SLC29A4: variants seen among roughly 807,000 people sequenced by gnomAD.
The protein encoded by SLC29A4 is solute carrier family 29 member 4, also known as equilibrative nucleoside transporter 4.
A neutral mutation model predicts 43.9 loss-of-function variants in SLC29A4; 36 were observed. The observed-to-expected ratio is 0.82, with a 90% CI of 0.63 to 1.08. The LOEUF (loss-of-function observed/expected upper bound fraction) is 1.08. Among genes scored for constraint, SLC29A4 ranks in the 50% least tolerant of loss-of-function variants. SLC29A4 has a pLI of 0.00. For synonymous variants in SLC29A4, 491 were observed against 338.0 expected (o/e 1.45, Z -4.97); for missense variants, 869 against 755.3 (o/e 1.15, Z -1.77).
intron 7 of SLC29A4, among the ~76,000 whole-genome samples, chr7:5,298,374 AG>A (rs1785864194): frequency 1.3e-5 from 2 of 152,022 alleles, no homozygotes; most frequent in South Asian, 4.2e-4. Context: ...GGCTGGGAGG[AG>A]CTCCGTGTGT....
chr7:5,302,435 C>T (rs1474926127), intron 10 of SLC29A4, among the ~76,000 whole-genome samples: 4 of 152,134 alleles, frequency 2.6e-5, no homozygotes, highest in Admixed American at 6.5e-5. Context: ...CCCAGGTACT[C>T]GGGAGGCTGA....
intron 2 of SLC29A4, among the ~76,000 whole-genome samples, chr7:5,289,135 G>A (rs1348789232): frequency 6.6e-6 from 1 of 152,162 alleles, no homozygotes; most frequent in Non-Finnish European, 1.5e-5. Context: ...GGTGGCTCAT[G>A]CCTATAATCC....
chr7:5,298,980 C>T lies in SLC29A4; in HGVS notation c.883-8C>T, dbSNP rs571823273. 37 of 1,606,744 alleles carry T rather than the reference C, an allele frequency of 2.3e-5. No individual in the cohort carries two copies. The South Asian group carries it at 3.1e-4, about 13-fold the overall frequency. On this transcript the variant is annotated splice_polypyrimidine_tract_variant and splice_region_variant and intron_variant, in intron 7 of 10. Coordinates refer to ENST00000396872, the MANE Select transcript of SLC29A4 (RefSeq NM_153247.4). ...CTCCAACCCCATCCCACTCCATCCT[C>T]CCTCCAGGAGCACCCAGCCCCGGCC...
intron 7 of SLC29A4, 26 bp downstream of exon 7, chr7:5,297,224 TCC>T: frequency 1.3e-6 from 2 of 1,507,834 alleles, no homozygotes; most frequent in African/African-American, 1.4e-5. Context: ...CCACCTCTGT[TCC>T]CTTCTCTGTC....
intron 5 of SLC29A4, 147 bp downstream of exon 5, chr7:5,291,968 G>C: frequency 8.6e-7 from 1 of 1,160,554 alleles, no homozygotes. Context: ...ATGCCAGCGT[G>C]CACACCGGCT....
At chr7:5,296,912 C>CGGCCCACTGTGCACGCCCT in intron 6 of SLC29A4, 24 bp from the exon 7 acceptor site, 1 of 1,561,844 alleles carries the variant, frequency 6.4e-7, no homozygotes, top group Non-Finnish European at 8.6e-7. Context: ...GATCAGGCCC[C>CGGCCCACTGTGCACGCCCT]GGCCCACTGT....
chr7:5,293,525 C>T (rs770350053), intron 5 of SLC29A4, among the ~76,000 whole-genome samples: 2 of 152,176 alleles, frequency 1.3e-5, no homozygotes, highest in Non-Finnish European at 2.9e-5. Flanking sequence ...GAAAGCAATA[C>T]ATTTTATATT....
rs1562460447 is a variant in SLC29A4 at position 5,304,003 on chromosome 7, C to T, written c.*1064C>T. On this transcript the variant is annotated 3_prime_UTR_variant, in exon 11 of 11. Coordinates refer to ENST00000396872, the MANE Select transcript of SLC29A4 (RefSeq NM_153247.4). Reference sequence around the variant, plus strand: ...TTTCACCCCTGCTGTGTCCCATCCCCCGTCTGTCCACTAACTGTACCGCAC... The same window carrying T: ...TTTCACCCCTGCTGTGTCCCATCCCTCGTCTGTCCACTAACTGTACCGCAC... 6.6e-6 allele frequency: 1 copy of T among 152,346 alleles called. No homozygotes were observed. The highest frequency in any genetic ancestry group is 6.5e-5 in the Admixed American group (1 of 15,284). 9.4% of individuals were successfully genotyped at this position (152,346 alleles called of 1,614,324 possible).
Position 5,304,657 on chromosome 7 carries a change from GCA to G in SLC29A4, c.*1720_*1721del, listed in dbSNP as rs1562461280. The G allele has an allele frequency of 1.3e-5, 2 of 151,978 alleles. No individual in the cohort carries two copies. The highest frequency in any genetic ancestry group is 4.8e-5 in the African/African-American group (2 of 41,300). The allele number at this position is 151,978 out of a possible 1,614,324, so 9.4% of individuals were successfully genotyped here. ...CTCAAGTAGCTGGGATTACAGGTAC[GCA>G]CCACCACACCTGGCTAATTTGTCTT... is the stretch of plus-strand genomic sequence containing the variant. On this transcript the variant is annotated 3_prime_UTR_variant, in exon 11 of 11. Transcript: ENST00000396872.
Position 5,289,169 on chromosome 7 carries a change from G to A in SLC29A4, c.169+1184G>A, listed in dbSNP as rs139737540. On this transcript the variant is annotated intron_variant, in intron 2 of 10. Transcript: ENST00000396872. ...CCCAGCACTTTGGGAGGCTGAGGCC[G>A]GAGGAACACTTGAGCCCAGGAGTTT... Among the ~76,000 whole-genome samples the A allele has an allele frequency of 9.1e-3, 1,385 of 152,294 alleles. 19 individuals are homozygous for A. The highest frequency in any genetic ancestry group is 0.011 in the East Asian group (59 of 5,190).
intron 8 of SLC29A4, 28 bp from the exon 9 acceptor site, chr7:5,299,212 C>A: frequency 1.2e-6 from 2 of 1,602,716 alleles, no homozygotes; most frequent in Non-Finnish European, 1.7e-6. Context: ...GTGGGCGCTG[C>A]CTCTGACCCC....
chr7:5,305,049 C>G lies in SLC29A4; in HGVS notation c.*2110C>G, dbSNP rs1331653522. On this transcript the variant is annotated 3_prime_UTR_variant, in exon 11 of 11. Coordinates refer to ENST00000396872, the MANE Select transcript of SLC29A4 (RefSeq NM_153247.4). ...CAGACTGGTCTCAAAGTCTGGGCCT[C>G]AAGTGTTCCCCCTGCCTTGGCCTCC... 6.6e-6 allele frequency: 1 copy of G among 152,230 alleles called. No homozygotes were observed. The highest frequency in any genetic ancestry group is 1.5e-5 in the Non-Finnish European group (1 of 68,066). The allele number at this position is 152,230 out of a possible 1,614,324, so 9.4% of individuals were successfully genotyped here.
intron 5 of SLC29A4, among the ~76,000 whole-genome samples, chr7:5,292,906 T>G (rs1785399381): frequency 6.6e-6 from 1 of 151,052 alleles, no homozygotes; most frequent in African/African-American, 2.4e-5. Context: ...ACCATGTTCC[T>G]CAGGCTGATT....
chr7:5,297,965 C>T (rs567599003), intron 7 of SLC29A4, among the ~76,000 whole-genome samples: 3 of 152,316 alleles, frequency 2.0e-5, no homozygotes, highest in East Asian at 3.9e-4. Context: ...GGGGTGCCTT[C>T]TGGTGGCAGC....
chr7:5,297,039 G>A lies in SLC29A4; in HGVS notation c.723G>A (p.Leu241=). Residue 241 remains leucine (L), a synonymous_variant, in exon 7 of 11, where the codon CTG becomes CTA. Transcript: ENST00000396872. ...TLIFFLVSVA[L]ELLCFLLHLL... ...TCTTCTTCCTGGTGTCGGTGGCGCT[G>A]GAGCTGCTGTGTTTCCTGCTGCACC... 1 of 1,607,204 alleles carries A rather than the reference G, an allele frequency of 6.2e-7. No individual in the cohort carries two copies. The highest frequency in any genetic ancestry group is 1.3e-5 in the African/African-American group (1 of 74,956).
At chr7:5,297,447 C>T (rs754306014) in intron 7 of SLC29A4, among the ~76,000 whole-genome samples, 4 of 152,230 alleles carry the variant, frequency 2.6e-5, no homozygotes, top group African/African-American at 7.2e-5. Flanking sequence ...GGGATCTGCC[C>T]AGCTGCTGTG....
At chr7:5,293,014 A>G (rs1785410240) in intron 5 of SLC29A4, among the ~76,000 whole-genome samples, 1 of 149,890 alleles carries the variant, frequency 6.7e-6, no homozygotes, top group African/African-American at 2.5e-5. Flanking sequence ...AATGTTCTTT[A>G]TAGCATTTTT....
chr7:5,286,522 CAAA>C (rs57020511), intron 1 of SLC29A4, among the ~76,000 whole-genome samples: 1 of 114,762 alleles, frequency 8.7e-6, no homozygotes, highest in Non-Finnish European at 1.7e-5. Context: ...GACTCCATCT[CAAA>C]AAAAAAAAAG....
Position 5,302,851 on chromosome 7 carries a change from C to T in SLC29A4, c.1505C>T (p.Ala502Val). The T allele has an allele frequency of 1.3e-6, 2 of 1,594,808 alleles. No homozygotes were observed. The highest frequency in any genetic ancestry group is 1.7e-6 in the Non-Finnish European group (2 of 1,171,154). Residue 502 changes from alanine to valine, a missense_variant, in exon 11 of 11, where the codon GCC (alanine) becomes GTC (valine). Coordinates refer to ENST00000396872, the MANE Select transcript of SLC29A4 (RefSeq NM_153247.4). ...MSGLTLGSAV[A>V]YCTYSLTRDA... is the part of the protein sequence containing the mutation. Reference sequence around the variant, plus strand: ...GGGCTGACGCTGGGGTCCGCCGTGGCCTACTGCACCTACAGCCTCACCCGC... The same window carrying T: ...GGGCTGACGCTGGGGTCCGCCGTGGTCTACTGCACCTACAGCCTCACCCGC...
Sources: allele counts gnomAD v4.1 joint callset (sites outside exome capture counted in the v4.1 genomes callset), GRCh38; gene constraint gnomAD v4.1.1; transcripts MANE v1.5; gene names NCBI Gene and HGNC (gene_info 2026-07-23, HGNC 2026-07-21).